Variants in ZNF382 observed in about 807,000 individuals in gnomAD.
ZNF382 encodes KRAB/zinc finger suppressor protein 1.
A neutral mutation model predicts 38.8 loss-of-function variants in ZNF382; 20 were observed. The ratio of observed to expected loss-of-function variants is 0.51; its 90% CI spans 0.36 to 0.75. The LOEUF is 0.75. Among genes scored for constraint, ZNF382 ranks in the 30% least tolerant of loss-of-function variants. The pLI is 0.00. For missense variants in ZNF382, 546 were observed against 654.1 expected (o/e 0.83, Z 1.80); for synonymous variants, 202 against 223.1 (o/e 0.91, Z 0.84).
At chr19:36,607,371 T>C (rs2037042886) in intron 1 of ZNF382, among the ~76,000 whole-genome samples, 181 bp from the exon 2 acceptor site, 1 of 152,140 alleles carries the variant, frequency 6.6e-6, no homozygotes, top group South Asian at 2.1e-4. Flanking sequence ...TTTCTGGTGT[T>C]TGTGAGGGAG....
At chr19:36,624,402 T>C (rs914576654) in intron 4 of ZNF382, among the ~76,000 whole-genome samples, 3 of 152,268 alleles carry the variant, frequency 2.0e-5, no homozygotes, top group African/African-American at 7.2e-5. Flanking sequence ...GATGGATATT[T>C]GGGCTGTTCC....
intron 1 of ZNF382, 61 bp from the exon 2 acceptor site, chr19:36,607,491 C>T: frequency 1.0e-6 from 1 of 988,290 alleles, no homozygotes; most frequent in Non-Finnish European, 1.5e-6. Flanking sequence ...TGAGTTAATT[C>T]TGGGAGTTCT....
intron 2 of ZNF382, chr19:36,608,578 A>G (rs1371947859): frequency 6.6e-6 from 1 of 152,126 alleles, no homozygotes; most frequent in African/African-American, 2.4e-5. Context: ...CTTCTTCTTC[A>G]CAGTCCGTTT....
rs1275598491 is a variant in ZNF382, at chr19:36,626,902, G to A, written c.1005G>A (p.Gln335=). Residue 335 remains glutamine, a synonymous_variant, in exon 5 of 5, where the codon CAG becomes CAA. Coordinates refer to ENST00000292928, the MANE Select transcript of ZNF382 (RefSeq NM_032825.5). ...VCNQCGKAFR[Q]KTALTLHEKT... ...ATCAATGTGGAAAGGCCTTCCGTCAGAAGACAGCCCTCACCCTTCATGAGA... is the reference window on the plus strand; with the variant it reads ...ATCAATGTGGAAAGGCCTTCCGTCAAAAGACAGCCCTCACCCTTCATGAGA... 6.2e-7 allele frequency: 1 copy of A among 1,614,156 alleles called. No individual in the cohort carries two copies. The highest frequency in any genetic ancestry group is 1.1e-5 in the South Asian group (1 of 91,084).
intron 2 of ZNF382, 73 bp downstream of exon 2, chr19:36,607,695 T>G (rs963407006): frequency 7.3e-7 from 1 of 1,371,332 alleles, no homozygotes; most frequent in Non-Finnish European, 9.6e-7. Context: ...CACTGTCCTT[T>G]AACCTTCCCT....
chr19:36,626,132 G>T lies in ZNF382; in HGVS notation c.235G>T (p.Glu79Ter). The T allele has an allele frequency of 6.5e-7, 1 of 1,534,774 alleles. No homozygotes were observed. Residue 79 changes from glutamate (E) to a stop codon, truncating the protein, a stop_gained and splice_region_variant, in exon 5 of 5, where the codon GAA (glutamate) becomes TAA (stop). Coordinates refer to ENST00000292928, the MANE Select transcript of ZNF382 (RefSeq NM_032825.5). LOFTEE classifies it low-confidence loss of function (END_TRUNC). Reference protein sequence around the residue: ...RIFPSYSYLEEDGKTEDVLVK... With the variant: ...RIFPSYSYLE Reference sequence around the variant, plus strand: ...GTGTTAATGGTATTCTTTTCTAGAAGAAGATGGGAAAACTGAAGATGTCTT... The same window carrying T: ...GTGTTAATGGTATTCTTTTCTAGAATAAGATGGGAAAACTGAAGATGTCTT...
rs769526759 is a variant in ZNF382 at position 36,626,528 on chromosome 19, C to G, written c.631C>G (p.Pro211Ala). Reference sequence around the variant, plus strand: ...TCAGAAGGTTCAAGCTCCAGAGCAACCATTTGACCATAATGAATGTGAAAA... The same window carrying G: ...TCAGAAGGTTCAAGCTCCAGAGCAAGCATTTGACCATAATGAATGTGAAAA... ...QHQKVQAPEQ[P>A]FDHNECEKSF... Residue 211 changes from proline to alanine, a missense_variant, in exon 5 of 5, where the codon CCA (proline) becomes GCA (alanine). Coordinates refer to ENST00000292928, the MANE Select transcript of ZNF382 (RefSeq NM_032825.5). 6.2e-7 allele frequency: 1 copy of G among 1,611,792 alleles called. No homozygotes were observed. The highest frequency in any genetic ancestry group is 8.5e-7 in the Non-Finnish European group (1 of 1,179,308).
Position 36,628,667 on chromosome 19 carries a change from A to G in ZNF382, c.*1117A>G, listed in dbSNP as rs1411233385. ...GCATCCAGCATTTCCCTTGTTCAACATCAGAGAATTCCAACTAGAGAAAAG... is the reference window on the plus strand; with the variant it reads ...GCATCCAGCATTTCCCTTGTTCAACGTCAGAGAATTCCAACTAGAGAAAAG... On this transcript the variant is annotated 3_prime_UTR_variant, in exon 5 of 5. Coordinates refer to ENST00000292928, the MANE Select transcript of ZNF382 (RefSeq NM_032825.5). 6.5e-6 allele frequency: 1 copy of G among 152,686 alleles called. No homozygotes were observed. Among genetic ancestry groups the G allele is most frequent in the East Asian group, 1.9e-4 (1 of 5,196 alleles). 9.5% of individuals were successfully genotyped at this position (152,686 alleles called of 1,614,324 possible).
chr19:36,606,316 T>A (rs1206101447), intron 1 of ZNF382, among the ~76,000 whole-genome samples: 3 of 143,954 alleles, frequency 2.1e-5, no homozygotes, highest in African/African-American at 7.9e-5. Flanking sequence ...AGGAAATTTT[T>A]TTTTTTTTTT....
intron 4 of ZNF382, among the ~76,000 whole-genome samples, chr19:36,625,826 T>C (rs759915093): frequency 6.6e-5 from 10 of 152,312 alleles, no homozygotes; most frequent in Admixed American, 3.3e-4. Context: ...CCCAGAGTGT[T>C]GGGATTACAG....
chr19:36,617,567 A>C (rs1238768430), intron 4 of ZNF382, among the ~76,000 whole-genome samples: 2 of 152,196 alleles, frequency 1.3e-5, no homozygotes, highest in African/African-American at 4.8e-5. Context: ...ATACTAAAGA[A>C]AAACATTATC....
At chr19:36,609,859 AG>A in intron 2 of ZNF382, 42 bp from the exon 3 acceptor site, 1 of 1,532,366 alleles carries the variant, frequency 6.5e-7, no homozygotes, top group East Asian at 2.3e-5. Context: ...TGTCAGTACT[AG>A]GTCTCCAATA....
Position 36,626,679 on chromosome 19 carries a change from A to T in ZNF382, c.782A>T (p.Asn261Ile). ...TCAAGCCTCAGTGTCCATCCAAGTA[A>T]TCTTATGGAAAAGAAGCCCTCTGCC... ...EKSSLSVHPS[N>I]LMEKKPSAYN... Residue 261 changes from asparagine to isoleucine, a missense_variant, in exon 5 of 5, where the codon AAT becomes ATT. Coordinates refer to ENST00000292928, the MANE Select transcript of ZNF382 (RefSeq NM_032825.5). 6.2e-7 allele frequency: 1 copy of T among 1,614,008 alleles called. No individual in the cohort carries two copies. Among genetic ancestry groups the T allele is most frequent in the Non-Finnish European group, 8.5e-7 (1 of 1,180,036 alleles).
At chr19:36,625,074 A>G (rs868113786) in intron 4 of ZNF382, among the ~76,000 whole-genome samples, 25 of 110,082 alleles carry the variant, frequency 2.3e-4, no homozygotes, top group South Asian at 1.3e-3. Flanking sequence ...TCTCAAAAAA[A>G]TAAAAATGAA....
rs2037232830 is a variant in ZNF382, at chr19:36,628,448, T to C, written c.*898T>C. Reference sequence around the variant, plus strand: ...GCTATAAATTTTATCAATATGGTGCTGGTTCAAACCAGAGAATTCATGCTG... The same window carrying C: ...GCTATAAATTTTATCAATATGGTGCCGGTTCAAACCAGAGAATTCATGCTG... On this transcript the variant is annotated 3_prime_UTR_variant, in exon 5 of 5. Transcript: ENST00000292928. The C allele has an allele frequency of 1.3e-5, 2 of 153,122 alleles. No homozygotes were observed. The highest frequency in any genetic ancestry group is 4.1e-4 in the South Asian group (2 of 4,834). The allele number at this position is 153,122 out of a possible 1,614,324, so 9.5% of individuals were successfully genotyped here.
rs757372156 is a variant in ZNF382 at position 36,627,493 on chromosome 19, G to A, written c.1596G>A (p.Lys532=). 14 of 1,613,852 alleles carry A rather than the reference G, an allele frequency of 8.7e-6. No homozygotes were observed. Among genetic ancestry groups the A allele is most frequent in the Middle Eastern group, 1.6e-4 (1 of 6,062 alleles). Reference sequence around the variant, plus strand: ...AGTGTGGGAAGTTCTTCAGTTGTAAGTCAAACCTCATTGTCCATCAGAAAA... The same window carrying A: ...AGTGTGGGAAGTTCTTCAGTTGTAAATCAAACCTCATTGTCCATCAGAAAA... ...CKQCGKFFSC[K]SNLIVHQKTH... Residue 532 remains lysine, a synonymous_variant, in exon 5 of 5, where the codon AAG becomes AAA. Transcript: ENST00000292928.
Position 36,610,037 on chromosome 19 carries a change from C to T in ZNF382, c.123C>T (p.Cys41=). 1 of 1,613,570 alleles carries T rather than the reference C, an allele frequency of 6.2e-7. No individual in the cohort carries two copies. Among genetic ancestry groups the T allele is most frequent in the Non-Finnish European group, 8.5e-7 (1 of 1,179,850 alleles). The change falls in exon 3 of 5, where the codon TGC becomes TGT. Residue 41 remains cysteine (C), a synonymous_variant. Transcript: ENST00000292928. The stretch of plus-strand genomic sequence containing the variant: ...GGGATGTGATGTTGGAAAACTATTG[C>T]CACTTCGTATCTGTGGGTAAGAAAC... ...LYRDVMLENY[C]HFVSVGFHMA...
rs578192499 is a variant in ZNF382, at chr19:36,624,350, C to T, written c.233-1780C>T. Among the ~76,000 whole-genome samples, 3 of 152,240 alleles carry T rather than the reference C, an allele frequency of 2.0e-5. No homozygotes were observed. The East Asian group carries it at 5.8e-4, about 29-fold the overall frequency. ...TTCTTCTTGTTGCTGAGGTAGTATT[C>T]TATTGTGTAATACATGACACAGTTT... On this transcript the variant is annotated intron_variant, in intron 4 of 4. Coordinates refer to ENST00000292928, the MANE Select transcript of ZNF382 (RefSeq NM_032825.5).
At chr19:36,613,806 G>A (rs1410368922) in intron 4 of ZNF382, among the ~76,000 whole-genome samples, 3 of 152,060 alleles carry the variant, frequency 2.0e-5, no homozygotes, top group Non-Finnish European at 4.4e-5. Flanking sequence ...GTGAAGTAGG[G>A]TTCGAGAGTC....
Sources: allele counts gnomAD v4.1 joint callset (sites outside exome capture counted in the v4.1 genomes callset), GRCh38; gene constraint gnomAD v4.1.1; transcripts MANE v1.5; gene names NCBI Gene and HGNC (gene_info 2026-07-23, HGNC 2026-07-21).